LRRC49: variants seen among roughly 807,000 people sequenced by gnomAD.
LRRC49 encodes leucine rich repeat containing 49.
A neutral mutation model predicts 83.3 loss-of-function variants in LRRC49; 50 were observed. The observed-to-expected ratio is 0.60, with a 90% confidence interval of 0.48 to 0.76. The LOEUF (loss-of-function observed/expected upper bound fraction) is 0.76. Among genes scored for constraint, LRRC49 ranks in the 30% least tolerant of loss-of-function variants. The pLI, the probability that LRRC49 is intolerant of heterozygous loss-of-function variation, is 0.00. For missense variants in LRRC49, 704 were observed against 809.1 expected, an observed-to-expected ratio of 0.87 and a Z score of 1.58; for synonymous variants, 286 against 283.3, an observed-to-expected ratio of 1.01 and a Z score of -0.10.
chr15:70,892,868 A>C lies in LRRC49; in HGVS notation c.-27A>C, dbSNP rs779972198. On this transcript the variant is annotated 5_prime_UTR_variant, in exon 1 of 16. Coordinates refer to ENST00000260382, the MANE Select transcript of LRRC49 (RefSeq NM_017691.5). ...GTAGCGTCACCTGGAAGGCAGATCTAACAGAGAACCTGGACTGTCTCCTAT... is the reference window on the plus strand; with the variant it reads ...GTAGCGTCACCTGGAAGGCAGATCTCACAGAGAACCTGGACTGTCTCCTAT... The C allele has an allele frequency of 6.8e-6, 11 of 1,614,200 alleles. No homozygotes were observed. The highest frequency in any genetic ancestry group is 7.6e-6 in the Non-Finnish European group (9 of 1,180,028).
chr15:70,978,080 G>A (rs1318537101), intron 9 of LRRC49, among the ~76,000 whole-genome samples: 1 of 152,102 alleles, frequency 6.6e-6, no homozygotes, highest in East Asian at 1.9e-4. Context: ...TCAGGAGCAT[G>A]TATAATGGCC....
intron 14 of LRRC49, among the ~76,000 whole-genome samples, chr15:71,016,309 T>C (rs1198031940): frequency 6.6e-6 from 1 of 152,102 alleles, no homozygotes; most frequent in Non-Finnish European, 1.5e-5. Flanking sequence ...ATAAATCATA[T>C]ATAAATGAAT....
At chr15:70,987,216 T>C (rs1156471747) in intron 11 of LRRC49, among the ~76,000 whole-genome samples, 1 of 152,106 alleles carries the variant, frequency 6.6e-6, no homozygotes, top group Non-Finnish European at 1.5e-5. Context: ...AATGGTACCA[T>C]TTCTTCCTTG....
At chr15:70,926,298 T>C (rs2035194934) in intron 7 of LRRC49, among the ~76,000 whole-genome samples, 1 of 152,144 alleles carries the variant, frequency 6.6e-6, no homozygotes. Flanking sequence ...AGGCTCGTTT[T>C]GAACTCCTGG....
intron 7 of LRRC49, among the ~76,000 whole-genome samples, chr15:70,919,455 T>C (rs888123251): frequency 6.6e-6 from 1 of 152,132 alleles, no homozygotes; most frequent in Non-Finnish European, 1.5e-5. Flanking sequence ...TGTAAATGAG[T>C]AGTAAACCCT....
chr15:70,949,108 A>G (rs1487279005), intron 8 of LRRC49, among the ~76,000 whole-genome samples: 1 of 152,208 alleles, frequency 6.6e-6, no homozygotes, highest in East Asian at 1.9e-4. Context: ...ATTTTAAAAC[A>G]TAGAGGCCAT....
chr15:70,918,893 T>C (rs993039256), intron 6 of LRRC49, 157 bp from the exon 7 acceptor site: 4 of 558,422 alleles, frequency 7.2e-6, no homozygotes, highest in African/African-American at 5.8e-5. Context: ...CTTCATGTTA[T>C]CTACAGCATA....
chr15:70,891,873 G>A (rs1344453957), upstream of LRRC49: 1 of 1,606,510 alleles, frequency 6.2e-7, no homozygotes, highest in Non-Finnish European at 8.5e-7. Context: ...TTCCCAGCTC[G>A]GGGGCGTGTA....
intron 2 of LRRC49, among the ~76,000 whole-genome samples, chr15:70,877,807 T>C (rs1567033256): frequency 6.6e-6 from 1 of 152,236 alleles, no homozygotes; most frequent in Non-Finnish European, 1.5e-5. Context: ...GAGTTCCAGT[T>C]GCTATTGCTC....
chr15:70,919,254 A>G (rs2034914763), intron 7 of LRRC49, 61 bp downstream of exon 7: 1 of 1,371,144 alleles, frequency 7.3e-7, no homozygotes, highest in East Asian at 2.4e-5. Context: ...ATTGAAACAA[A>G]TGTTGTAATA....
intron 8 of LRRC49, among the ~76,000 whole-genome samples, chr15:70,943,496 A>T (rs1174980096): frequency 6.6e-6 from 1 of 152,166 alleles, no homozygotes; most frequent in Admixed American, 6.5e-5. Context: ...ACGTTGGCAT[A>T]CTTCCCAGGT....
chr15:71,038,392 A>G (rs936354623), intron 15 of LRRC49, among the ~76,000 whole-genome samples: 5 of 152,146 alleles, frequency 3.3e-5, no homozygotes, highest in Admixed American at 2.6e-4. Context: ...GTGTATCAGA[A>G]GAAAGCAAAA....
At chr15:71,016,555 G>T (rs1166042144) in intron 14 of LRRC49, among the ~76,000 whole-genome samples, 1 of 151,816 alleles carries the variant, frequency 6.6e-6, no homozygotes, top group African/African-American at 2.4e-5. Flanking sequence ...ATTTGAAAGA[G>T]AATAGTTGAC....
intron 14 of LRRC49, among the ~76,000 whole-genome samples, chr15:71,019,180 A>C (rs992979420): frequency 6.6e-6 from 1 of 152,094 alleles, no homozygotes; most frequent in Non-Finnish European, 1.5e-5. Flanking sequence ...TAATCAAGTC[A>C]GTTTTCAGCT....
intron 2 of LRRC49, 33 bp from the exon 3 acceptor site, chr15:70,895,816 C>G: frequency 7.3e-7 from 1 of 1,366,024 alleles, no homozygotes; most frequent in Non-Finnish European, 1.0e-6. Context: ...AAATTTGTCT[C>G]CAAATATTTT....
At chr15:70,987,138 T>C (rs184276335) in intron 11 of LRRC49, among the ~76,000 whole-genome samples, 16 of 152,386 alleles carry the variant, frequency 1.0e-4, no homozygotes, top group African/African-American at 3.8e-4. Flanking sequence ...ATCAGGATGA[T>C]GCTGACCTCA....
intron 8 of LRRC49, among the ~76,000 whole-genome samples, chr15:70,963,160 C>T (rs954004264): frequency 4.0e-5 from 6 of 150,754 alleles, no homozygotes; most frequent in Non-Finnish European, 7.4e-5. Context: ...CCTGTAGTTC[C>T]AACTACTTGG....
chr15:70,940,150 A>G (rs1413245283), intron 8 of LRRC49, among the ~76,000 whole-genome samples: 1 of 151,146 alleles, frequency 6.6e-6, no homozygotes, highest in Non-Finnish European at 1.5e-5. Context: ...AAAAGAATCT[A>G]TTTCTATTTA....
At chr15:70,883,699 A>C (rs1019190335) in intron 2 of LRRC49, among the ~76,000 whole-genome samples, 4 of 148,414 alleles carry the variant, frequency 2.7e-5, no homozygotes, top group African/African-American at 7.5e-5. Context: ...CCCAGACCGG[A>C]GTGCAGAAGC....
Sources: allele counts gnomAD v4.1 joint callset (sites outside exome capture counted in the v4.1 genomes callset), GRCh38; gene constraint gnomAD v4.1.1; transcripts MANE v1.5; gene names NCBI Gene and HGNC (gene_info 2026-07-23, HGNC 2026-07-21).